DROSHA: variants seen among roughly 807,000 people sequenced by gnomAD.
The protein encoded by DROSHA is drosha ribonuclease III, also known as ribonuclease 3.
DROSHA carries 56 observed loss-of-function variants against 181.9 expected under a neutral mutation model. The observed-to-expected ratio is 0.31, with a 90% CI of 0.25 to 0.38. The LOEUF is 0.38. Among genes scored for constraint, DROSHA ranks in the 10% least tolerant of loss-of-function variants. The pLI is 1.00. For missense variants in DROSHA, 1,218 were observed against 1,743.5 expected (o/e 0.70, Z 5.37); for synonymous variants, 524 against 591.2 (o/e 0.89, Z 1.65).
chr5:31,449,886 A>G (rs1271629333), intron 21 of DROSHA, among the ~76,000 whole-genome samples: 1 of 152,204 alleles, frequency 6.6e-6, no homozygotes, highest in Admixed American at 6.5e-5. Flanking sequence ...TCAGAATGGC[A>G]GAAAATACTT....
intron 13 of DROSHA, among the ~76,000 whole-genome samples, chr5:31,486,979 A>T (rs902046596): frequency 6.6e-6 from 1 of 152,364 alleles, no homozygotes; most frequent in South Asian, 2.1e-4. Flanking sequence ...TTATGGATTC[A>T]TAGGTCACTG....
intron 16 of DROSHA, among the ~76,000 whole-genome samples, chr5:31,475,640 G>A (rs1316611452): frequency 6.6e-6 from 1 of 152,200 alleles, no homozygotes; most frequent in Non-Finnish European, 1.5e-5. Flanking sequence ...GAAGAAAATA[G>A]TTTTTGGCTT....
chr5:31,401,853 C>T (rs1242861563), intron 35 of DROSHA, among the ~76,000 whole-genome samples: 2 of 152,056 alleles, frequency 1.3e-5, no homozygotes, highest in Non-Finnish European at 2.9e-5. Flanking sequence ...AGACGTGTGG[C>T]TTGGGAATGT....
At chr5:31,472,452 G>A (rs115622832) in intron 16 of DROSHA, among the ~76,000 whole-genome samples, 2,107 of 152,076 alleles carry the variant, frequency 0.014, 17 homozygotes, top group Middle Eastern at 0.027. Flanking sequence ...TTACTAAATT[G>A]GCAACAACAA....
At chr5:31,448,685 A>C in intron 22 of DROSHA, 78 bp from the exon 23 acceptor site, 1 of 1,068,642 alleles carries the variant, frequency 9.4e-7, no homozygotes, top group South Asian at 1.4e-5. Context: ...AGTAGAAAAA[A>C]ATTATCTCAT....
intron 20 of DROSHA, among the ~76,000 whole-genome samples, chr5:31,462,597 CTG>C (rs1474691105): frequency 6.8e-6 from 1 of 148,088 alleles, no homozygotes; most frequent in African/African-American, 2.5e-5. Flanking sequence ...GAATACAAAA[CTG>C]TACTGGAACA....
In DROSHA at chr5:31,409,190, T is replaced by A; in HGVS notation, c.3751-31A>T. The A allele has an allele frequency of 1.9e-6, 3 of 1,610,946 alleles. No individual in the cohort carries two copies. The highest frequency in any genetic ancestry group is 2.5e-6 in the Non-Finnish European group (3 of 1,178,432). On this transcript the variant is annotated intron_variant, in intron 32 of 35. Transcript: ENST00000344624. The surrounding 1 kb of genome is among the most constrained non-coding windows in gnomAD (Gnocchi z 4.0). ...GAAGTCCCCCAAAACTATTTAGTAA[T>A]GGGTTCTGGAATCACCAAACATAAA... is the stretch of plus-strand genomic sequence containing the variant.
At position 31,515,027 on chromosome 5, in the gene DROSHA, A is replaced by G; in HGVS notation, c.1251T>C (p.His417=). ...LLKPVWIRCT[H]SENYYSSDPM... Reference sequence around the variant, plus strand: ...GGTCACTGGAGTAGTAGTTTTCTGAATGAGTGCATCGAATCCACACAGGCT... The same window carrying G: ...GGTCACTGGAGTAGTAGTTTTCTGAGTGAGTGCATCGAATCCACACAGGCT... The change falls in exon 8 of 36, where the codon CAT becomes CAC. Residue 417 remains histidine (H), a synonymous_variant. Transcript: ENST00000344624. The G allele has an allele frequency of 6.2e-7, 1 of 1,613,944 alleles. No homozygotes were observed. Among genetic ancestry groups the G allele is most frequent in the Non-Finnish European group, 8.5e-7 (1 of 1,179,868 alleles).
chr5:31,496,140 A>G lies in DROSHA; in HGVS notation c.1669-768T>C, dbSNP rs142935193. Among the ~76,000 whole-genome samples, 157 of 152,294 alleles carry G rather than the reference A, an allele frequency of 1.0e-3. No individual in the cohort carries two copies. The East Asian group carries it at 0.02, about 20-fold the overall frequency. ...GCCTGTGATGGGACTCACCTTAAAA[A>G]CAACTGTAAAGTAGGGCCAGGCACA... On this transcript the variant is annotated intron_variant, in intron 11 of 35. Transcript: ENST00000344624.
At chr5:31,487,707 C>G (rs1194481478) in intron 13 of DROSHA, among the ~76,000 whole-genome samples, 1 of 152,170 alleles carries the variant, frequency 6.6e-6, no homozygotes, top group Non-Finnish European at 1.5e-5. Flanking sequence ...ATAATGCCAT[C>G]TACTGGAAAT....
chr5:31,489,953 A>T (rs1265909582), intron 13 of DROSHA, among the ~76,000 whole-genome samples: 1 of 151,978 alleles, frequency 6.6e-6, no homozygotes, highest in Admixed American at 6.6e-5. Flanking sequence ...ATCTTGACTC[A>T]CTGCAAACTC....
At chr5:31,487,932 A>G (rs1751968957) in intron 13 of DROSHA, among the ~76,000 whole-genome samples, 1 of 152,216 alleles carries the variant, frequency 6.6e-6, no homozygotes, top group Non-Finnish European at 1.5e-5. Flanking sequence ...TATTAGGTTC[A>G]TAGGTACTCT....
At chr5:31,517,046 G>C (rs1041960037) in intron 6 of DROSHA, among the ~76,000 whole-genome samples, 4 of 151,928 alleles carry the variant, frequency 2.6e-5, no homozygotes, top group African/African-American at 9.7e-5. Flanking sequence ...CTGTCACTAT[G>C]GTTATTTTTA....
At chr5:31,525,909 CTTAT>C (rs1038707028) in intron 5 of DROSHA, among the ~76,000 whole-genome samples, 166 bp downstream of exon 5, 4 of 152,302 alleles carry the variant, frequency 2.6e-5, no homozygotes, top group African/African-American at 9.6e-5. Context: ...CTGACATCAA[CTTAT>C]TTGTCAGTTG....
Position 31,508,726 on chromosome 5 carries a change from A to G in DROSHA, c.1482T>C (p.Ser494=). 6.2e-7 allele frequency: 1 copy of G among 1,613,990 alleles called. No individual in the cohort carries two copies. The highest frequency in any genetic ancestry group is 1.1e-5 in the South Asian group (1 of 91,080). Residue 494 remains serine (S), a synonymous_variant, in exon 10 of 36, where the codon TCT becomes TCC. Transcript: ENST00000344624. The part of the protein sequence containing the change: ...ECESDEDSTC[S]SSSDSEVFDV... ...CAAAAACTTCAGAGTCTGAGCTGCT[A>G]GAACAGGTGCTGTCCTCATCAGACT...
At chr5:31,408,606 T>C (rs615435) in intron 33 of DROSHA, 24,680 of 158,422 alleles carry the variant, frequency 0.16, 2,131 homozygotes, top group East Asian at 0.29. Context: ...AAGTTCCAAG[T>C]TGAAGCCAAT....
In DROSHA at chr5:31,483,646, G is replaced by GAA. The variant is rs11341915; in HGVS notation, c.1997-20_1997-19dup. On this transcript the variant is annotated intron_variant, in intron 15 of 35. Transcript: ENST00000344624. The stretch of plus-strand genomic sequence containing the variant: ...CAAAGGACCTGAAGCAAACAAATGA[G>GAA]AAAAAAAAAAAAAAAAGAAAACTCA... 8.2e-5 allele frequency: 101 copies of GAA among 1,236,248 alleles called. No individual in the cohort carries two copies. The highest frequency in any genetic ancestry group is 4.8e-4 in the African/African-American group (30 of 62,260). 76.6% of individuals were successfully genotyped at this position (1,236,248 alleles called of 1,614,324 possible).
chr5:31,509,075 G>A (rs7726335), intron 9 of DROSHA, among the ~76,000 whole-genome samples: 71,699 of 151,850 alleles, frequency 0.47, 20,803 homozygotes, highest in Non-Finnish European at 0.65. Context: ...CACCCGTCTC[G>A]GCCTCCTAAA....
intron 5 of DROSHA, among the ~76,000 whole-genome samples, chr5:31,522,453 TA>T (rs1036615201): frequency 1.4e-4 from 17 of 121,726 alleles, no homozygotes; most frequent in African/African-American, 3.4e-4. Context: ...ATTTCTAATA[TA>T]TTTTTTTTTA....
Sources: gnomAD v4.1 joint callset for allele counts (sites outside exome capture counted in the v4.1 genomes callset) on GRCh38, gnomAD v4.1.1 for gene constraint, Gnocchi (gnomAD v3.1) non-coding constraint, MANE v1.5 for transcripts, NCBI Gene and HGNC (gene_info 2026-07-23, HGNC 2026-07-21) for gene names.